Variants in NAV3 observed in about 807,000 individuals in gnomAD.
NAV3 encodes the protein pore membrane and/or filament interacting like protein 1.
Under a neutral mutation model 244.7 loss-of-function variants are expected in NAV3, and 87 were observed. The ratio of observed to expected loss-of-function variants is 0.36; its 90% CI spans 0.30 to 0.42. NAV3 has a LOEUF of 0.42. NAV3 is among the 20% of genes least tolerant of loss of function. The pLI, the probability that NAV3 is intolerant of heterozygous loss-of-function variation, is 1.00. For missense variants in NAV3, 2,663 were observed against 2,893.3 expected (o/e 0.92, Z 1.83); for synonymous variants, 1,126 against 1,042.2 (o/e 1.08, Z -1.55).
At chr12:78,199,245 TA>T in intron 36 of NAV3, 89 bp from the exon 37 acceptor site, 3 of 1,027,578 alleles carry the variant, frequency 2.9e-6, no homozygotes, top group Non-Finnish European at 4.3e-6. Flanking sequence ...TGGAAAGTAA[TA>T]ATGAATAAAT....
rs548149825 is a variant in NAV3, at chr12:77,785,785, C to T, written c.73-154534C>T. On this transcript the variant is annotated intron_variant, in intron 2 of 8. Transcript: ENST00000550042. ...TTTCTCATGAAAGGAATAATGTGGGCTACCGTATTAATTTCAATATGGCTT... is the reference window on the plus strand; with the variant it reads ...TTTCTCATGAAAGGAATAATGTGGGTTACCGTATTAATTTCAATATGGCTT... Among the ~76,000 whole-genome samples the T allele has an allele frequency of 1.1e-4, 17 of 152,174 alleles. No individual in the cohort carries two copies. In the South Asian group the frequency reaches 3.5e-3, roughly 32 times the overall value.
chr12:77,815,987 A>G (rs1416385636), intron 2 of NAV3, among the ~76,000 whole-genome samples: 1 of 152,142 alleles, frequency 6.6e-6, no homozygotes, highest in African/African-American at 2.4e-5. Flanking sequence ...ATCATATATC[A>G]AATGATTTTA....
intron 12 of NAV3, among the ~76,000 whole-genome samples, chr12:78,108,157 T>C (rs1266179050): frequency 1.3e-5 from 2 of 152,176 alleles, no homozygotes; most frequent in East Asian, 1.9e-4. Flanking sequence ...GGAGTAGCTA[T>C]ACTTAAATTA....
chr12:78,134,862 G>A (rs1207459551), intron 18 of NAV3, among the ~76,000 whole-genome samples: 1 of 152,190 alleles, frequency 6.6e-6, no homozygotes, highest in African/African-American at 2.4e-5. Context: ...AAAGGTTAGT[G>A]GCTTTGCCAA....
chr12:77,691,329 G>GTATATATATATACATA (rs1350161105), intron 2 of NAV3, among the ~76,000 whole-genome samples: 1 of 66,690 alleles, frequency 1.5e-5, no homozygotes, highest in Admixed American at 1.9e-4. Context: ...AAGTATTTGT[G>GTATATATATATACATA]TATGTGTGTA....
At chr12:77,804,665 G>T (rs1184753002) in intron 2 of NAV3, among the ~76,000 whole-genome samples, 1 of 151,676 alleles carries the variant, frequency 6.6e-6, no homozygotes, top group Non-Finnish European at 1.5e-5. Context: ...CACTTTTTTG[G>T]TTTCATATGA....
At chr12:77,936,911 A>T (rs1281730178) in intron 1 of NAV3, among the ~76,000 whole-genome samples, 1 of 152,170 alleles carries the variant, frequency 6.6e-6, no homozygotes. Context: ...CTTTGTATTC[A>T]ACTTACACAT....
intron 1 of NAV3, among the ~76,000 whole-genome samples, chr12:77,871,068 T>A (rs2136453780): frequency 6.6e-6 from 1 of 152,282 alleles, no homozygotes; most frequent in East Asian, 1.9e-4. Flanking sequence ...GGAGGCCCAC[T>A]TATTTCAGCT....
intron 2 of NAV3, among the ~76,000 whole-genome samples, chr12:77,742,235 T>C (rs1485962295): frequency 6.6e-6 from 1 of 152,060 alleles, no homozygotes; most frequent in Non-Finnish European, 1.5e-5. Context: ...TATGTTAGGG[T>C]TTTATCCACA....
intron 3 of NAV3, among the ~76,000 whole-genome samples, chr12:77,943,315 G>T (rs1275826802): frequency 6.6e-6 from 1 of 152,102 alleles, no homozygotes; most frequent in African/African-American, 2.4e-5. Flanking sequence ...CACAGTCTAA[G>T]AAATGCAAAT....
At chr12:78,034,309 A>G (rs947217122) in intron 9 of NAV3, among the ~76,000 whole-genome samples, 2 of 152,224 alleles carry the variant, frequency 1.3e-5, no homozygotes, top group Admixed American at 6.5e-5. Context: ...TCCCCAGTTG[A>G]AAACCACTAA....
At chr12:77,924,318 C>G (rs1483488961) in intron 1 of NAV3, among the ~76,000 whole-genome samples, 2 of 152,146 alleles carry the variant, frequency 1.3e-5, no homozygotes, top group Non-Finnish European at 2.9e-5. Flanking sequence ...TACTTTAGCT[C>G]TTATTACATT....
intron 2 of NAV3, among the ~76,000 whole-genome samples, chr12:77,639,267 T>G (rs540751025): frequency 9.2e-5 from 14 of 152,328 alleles, no homozygotes; most frequent in Non-Finnish European, 1.5e-4. Flanking sequence ...TAGCCAACAA[T>G]TTAGTCAGGT....
At chr12:77,660,179 A>G (rs1416089495) in intron 2 of NAV3, among the ~76,000 whole-genome samples, 1 of 152,194 alleles carries the variant, frequency 6.6e-6, no homozygotes, top group African/African-American at 2.4e-5. Flanking sequence ...AAATTAATGT[A>G]TCAGAAATTA....
chr12:78,128,788 A>G lies in NAV3; in HGVS notation c.4363A>G (p.Thr1455Ala), dbSNP rs766162780. The change falls in exon 18 of 40, where the codon ACT (threonine) becomes GCT (alanine). Residue 1455 changes from threonine to alanine, a missense_variant. Transcript: ENST00000397909. ...RSHSTGGLQD[T>A]GNQSPLVSPS... Reference sequence around the variant, plus strand: ...TCATTCTACTGGAGGGCTTCAGGACACTGGCAACCAGTCACCTCTGGTTTC... The same window carrying G: ...TCATTCTACTGGAGGGCTTCAGGACGCTGGCAACCAGTCACCTCTGGTTTC... 1.4e-5 allele frequency: 23 copies of G among 1,614,116 alleles called. No individual in the cohort carries two copies. Among genetic ancestry groups the G allele is most frequent in the South Asian group, 8.8e-5 (8 of 91,076 alleles).
chr12:78,049,545 T>A (rs906120567), intron 9 of NAV3, among the ~76,000 whole-genome samples: 1 of 152,184 alleles, frequency 6.6e-6, no homozygotes, highest in African/African-American at 2.4e-5. Flanking sequence ...GCACCCACTG[T>A]CTAATCAGTC....
chr12:78,127,085 T>G (rs1221224423), intron 16 of NAV3, 82 bp from the exon 17 acceptor site: 1 of 1,414,416 alleles, frequency 7.1e-7, no homozygotes, highest in Non-Finnish European at 9.9e-7. Context: ...TTTTTTATAG[T>G]TCAGAGAACC....
intron 2 of NAV3, among the ~76,000 whole-genome samples, chr12:77,575,037 A>G (rs1869016795): frequency 6.7e-6 from 1 of 148,522 alleles, no homozygotes; most frequent in African/African-American, 2.4e-5. Context: ...AAATATATAT[A>G]TATAATATTT....
chr12:77,812,682 C>T (rs1872348931), intron 2 of NAV3, among the ~76,000 whole-genome samples: 1 of 152,018 alleles, frequency 6.6e-6, no homozygotes, highest in Non-Finnish European at 1.5e-5. Flanking sequence ...TCCCGCCTGG[C>T]CTCCCAAAGT....
Sources: gnomAD v4.1 joint callset for allele counts (sites outside exome capture counted in the v4.1 genomes callset) on GRCh38, gnomAD v4.1.1 for gene constraint, MANE v1.5 for transcripts, NCBI Gene and HGNC (gene_info 2026-07-23, HGNC 2026-07-21) for gene names.